Variants in ITGB1 observed in about 807,000 individuals in gnomAD.
ITGB1 encodes integrin subunit beta 1, also known as integrin beta-1.
In ITGB1, 24 loss-of-function variants were observed where a neutral mutation model predicts 86.5. The ratio of observed to expected loss-of-function variants is 0.28; its 90% confidence interval spans 0.20 to 0.39. The LOEUF (loss-of-function observed/expected upper bound fraction) is 0.39, where lower values mean the gene tolerates loss of function less well. ITGB1 is among the 10% of genes least tolerant of loss of function. The probability of loss-of-function intolerance (pLI) is 1.00; values close to 1 mark genes in which losing one functional copy is unlikely to be tolerated. For missense variants in ITGB1, 556 were observed against 946.9 expected, an observed-to-expected ratio of 0.59 and a Z score of 5.42; for synonymous variants, 323 against 316.8, an observed-to-expected ratio of 1.02 and a Z score of -0.21.
In ITGB1 at chr10:32,929,805, G is replaced by C. The variant is rs1203804222; in HGVS notation, c.376+17C>G. On this transcript the variant is annotated intron_variant, in intron 4 of 15. Transcript: ENST00000302278. ...TCAAGTAAACACGCAGGTATTCACAGAGTTGGGCTTCCATACCTGATCTTA... is the reference window on the plus strand; with the variant it reads ...TCAAGTAAACACGCAGGTATTCACACAGTTGGGCTTCCATACCTGATCTTA... The C allele has an allele frequency of 1.4e-6, 2 of 1,401,132 alleles. No homozygotes were observed. Among genetic ancestry groups the C allele is most frequent in the East Asian group, 2.3e-5 (1 of 43,884 alleles). The allele number at this position is 1,401,132 out of a possible 1,614,324, so 86.8% of individuals were successfully genotyped here. A position where few individuals can be genotyped will look rare whatever the true frequency, so the allele number is the denominator to read the frequency against.
intron 1 of ITGB1, among the ~76,000 whole-genome samples, chr10:32,937,814 G>A (rs1209587586): frequency 1.3e-5 from 2 of 152,120 alleles, no homozygotes; most frequent in East Asian, 3.9e-4. Context: ...ATTTAACTGT[G>A]CAATTATTTT....
chr10:32,916,914 A>T (rs529086734), intron 11 of ITGB1, among the ~76,000 whole-genome samples: 1 of 152,330 alleles, frequency 6.6e-6, no homozygotes, highest in African/African-American at 2.4e-5. Context: ...ACAAAGCTGG[A>T]GGCATCACGC....
chr10:32,951,605 G>A (rs2095042773), intron 1 of ITGB1: 1 of 152,154 alleles, frequency 6.6e-6, no homozygotes, highest in Non-Finnish European at 1.5e-5. Context: ...GATCCAAAAT[G>A]AGCAAAAAAC....
intron 11 of ITGB1, among the ~76,000 whole-genome samples, chr10:32,913,417 T>C (rs1270845501): frequency 6.6e-6 from 1 of 152,054 alleles, no homozygotes; most frequent in African/African-American, 2.4e-5. Flanking sequence ...GCTAAAAACC[T>C]TGAAAAAAGA....
chr10:32,940,140 T>C (rs990864604), intron 1 of ITGB1, among the ~76,000 whole-genome samples: 1 of 152,098 alleles, frequency 6.6e-6, no homozygotes, highest in African/African-American at 2.4e-5. Flanking sequence ...GGTCAAGTAA[T>C]GGAGACCATC....
At chr10:32,906,946 T>C (rs963995957) in intron 15 of ITGB1, 2 of 493,806 alleles carry the variant, frequency 4.1e-6, no homozygotes, top group Admixed American at 3.1e-5. Flanking sequence ...AAAGCCACAA[T>C]AGCGATATTT....
intron 15 of ITGB1, among the ~76,000 whole-genome samples, chr10:32,903,276 C>T (rs936477090): frequency 1.5e-5 from 2 of 133,200 alleles, no homozygotes; most frequent in South Asian, 2.4e-4. Flanking sequence ...CACTTGAACC[C>T]GGGAAGCGGA....
Position 32,910,326 on chromosome 10 carries a change from A to T in ITGB1, c.2061T>A (p.Pro687=). 1 of 1,602,914 alleles carries T rather than the reference A, an allele frequency of 6.2e-7. No homozygotes were observed. The highest frequency in any genetic ancestry group is 8.5e-7 in the Non-Finnish European group (1 of 1,170,190). ...CATCCTTCTCCTTACAATGGGACAC[A>T]GGATCAGGTTGGACCGGCTGGGGTA... ...DKLPQPVQPD[P]VSHCKEKDVD... The change falls in exon 14 of 16, where the codon CCT becomes CCA. Residue 687 remains proline (P), a synonymous_variant. Coordinates refer to ENST00000302278, the MANE Select transcript of ITGB1 (RefSeq NM_002211.4).
At chr10:32,924,051 G>A (rs569145775) in intron 6 of ITGB1, among the ~76,000 whole-genome samples, 4 of 152,262 alleles carry the variant, frequency 2.6e-5, no homozygotes, top group African/African-American at 9.6e-5. Flanking sequence ...CCAGCAGCTA[G>A]CAAGCCAGCA....
At chr10:32,913,184 A>C (rs1282797016) in intron 11 of ITGB1, among the ~76,000 whole-genome samples, 1 of 152,218 alleles carries the variant, frequency 6.6e-6, no homozygotes, top group Non-Finnish European at 1.5e-5. Flanking sequence ...GGAAGACCAA[A>C]GGTAGATAAA....
At chr10:32,919,734 A>G (rs914936553) in intron 11 of ITGB1, 151 bp downstream of exon 11, 2 of 594,194 alleles carry the variant, frequency 3.4e-6, no homozygotes, top group Non-Finnish European at 6.0e-6. Flanking sequence ...CACACACAAG[A>G]TCATCAAACT....
chr10:32,957,372 G>A (rs7085199), intron 1 of ITGB1, among the ~76,000 whole-genome samples: 4,814 of 152,206 alleles, frequency 0.032, 264 homozygotes, highest in African/African-American at 0.11. Context: ...GACACAGGCC[G>A]GGCTCTCAGG....
intron 15 of ITGB1, among the ~76,000 whole-genome samples, chr10:32,905,799 T>C (rs908990793): frequency 2.0e-5 from 3 of 152,218 alleles, no homozygotes; most frequent in Non-Finnish European, 4.4e-5. Flanking sequence ...ATACCATCTT[T>C]ATCTGCACAA....
At chr10:32,910,197 A>T (rs746075347) in intron 14 of ITGB1, 26 bp downstream of exon 14, 2 of 1,503,624 alleles carry the variant, frequency 1.3e-6, no homozygotes, top group Non-Finnish European at 1.8e-6. Flanking sequence ...ATATGAAAAG[A>T]ATGTCTGCAA....
chr10:32,911,558 G>A lies in ITGB1; in HGVS notation c.1821C>T (p.Cys607=), dbSNP rs772835572. The A allele has an allele frequency of 1.2e-6, 2 of 1,614,098 alleles. No individual in the cohort carries two copies. The highest frequency in any genetic ancestry group is 1.1e-5 in the South Asian group (1 of 91,072). The change falls in exon 13 of 16, where the codon TGC becomes TGT. Residue 607 remains cysteine, a synonymous_variant. Transcript: ENST00000302278. ...STCEASNGQI[C]NGRGICECGV... is the part of the protein sequence containing the mutation. ...CACACTCGCAGATGCCCCGGCCATT[G>A]CAGATCTGTCCGTTGCTGGCTTCAC...
chr10:32,932,789 A>C, intron 2 of ITGB1, 189 bp from the exon 3 acceptor site: 1 of 493,582 alleles, frequency 2.0e-6, no homozygotes, highest in Non-Finnish European at 3.7e-6. Context: ...TTTGTGGGTA[A>C]ATAGGTGTAT....
intron 11 of ITGB1, among the ~76,000 whole-genome samples, chr10:32,913,357 T>C (rs1168027319): frequency 6.6e-6 from 1 of 152,162 alleles, no homozygotes; most frequent in South Asian, 2.1e-4. Context: ...TAATCGGTAA[T>C]AACAAACTTG....
chr10:32,949,909 A>G (rs2095039390), intron 1 of ITGB1, among the ~76,000 whole-genome samples: 2 of 152,160 alleles, frequency 1.3e-5, no homozygotes, highest in Admixed American at 1.3e-4. Context: ...GTAGAAATTA[A>G]ACAACTACAC....
Position 32,910,430 on chromosome 10 carries a change from T to C in ITGB1, c.1957A>G (p.Asn653Asp), listed in dbSNP as rs1019998537. ...CATGTGTCTTTCTTTTCTCCTTTAT[T>C]GAAGGCTCTGCACTGAACACATTCT... The part of the protein sequence containing the change: ...HKECVQCRAF[N>D]KGEKKDTCTQ... The change falls in exon 14 of 16, where the codon AAT becomes GAT. Residue 653 changes from asparagine (N) to aspartate (D), a missense_variant. Physicochemically the swap from Asn to Asp is conservative, Grantham distance 23 (BLOSUM62 1). Around this residue, in one of 4 missense-constraint regions of ITGB1, gnomAD observed 330 missense variants for 531.5 expected, o/e 0.62. Coordinates refer to ENST00000302278, the MANE Select transcript of ITGB1 (RefSeq NM_002211.4). 4 of 1,592,230 alleles carry C rather than the reference T, an allele frequency of 2.5e-6. No individual in the cohort carries two copies. The African/African-American group carries it at 5.4e-5, about 21-fold the overall frequency.
Sources: allele counts gnomAD v4.1 joint callset (sites outside exome capture counted in the v4.1 genomes callset), GRCh38; gene constraint gnomAD v4.1.1; regional missense constraint gnomAD v4.1.1; transcripts MANE v1.5; gene names NCBI Gene and HGNC (gene_info 2026-07-23, HGNC 2026-07-21).